Variants in AK9 observed in about 807,000 individuals in gnomAD.
AK9 encodes adenylate kinase domain containing 1.
Under a neutral mutation model 239.6 loss-of-function variants are expected in AK9, and 191 were observed. The observed-to-expected ratio is 0.80, with a 90% confidence interval of 0.71 to 0.90. The LOEUF (loss-of-function observed/expected upper bound fraction) is 0.90. Ranked by LOEUF, AK9 falls within the 40% of genes least tolerant of loss-of-function variation. AK9 has a pLI of 0.00. For synonymous variants in AK9, 689 were observed against 721.0 expected (o/e 0.96, Z 0.71); for missense variants, 1,995 against 2,214.7 (o/e 0.90, Z 1.99).
chr6:109,638,921 CAT>C (rs1797050244), intron 10 of AK9, among the ~76,000 whole-genome samples: 1 of 152,124 alleles, frequency 6.6e-6, no homozygotes, highest in Non-Finnish European at 1.5e-5. Flanking sequence ...CTGTCCTTGC[CAT>C]AGTTTGCTGA....
chr6:109,550,802 T>C (rs1431505779), intron 24 of AK9, among the ~76,000 whole-genome samples: 3 of 152,208 alleles, frequency 2.0e-5, no homozygotes, highest in African/African-American at 4.8e-5. Context: ...TTTTCATTTA[T>C]GATAAAGAAA....
At chr6:109,650,088 G>A (rs1162033329) in intron 8 of AK9, among the ~76,000 whole-genome samples, 1 of 152,134 alleles carries the variant, frequency 6.6e-6, no homozygotes, top group Non-Finnish European at 1.5e-5. Context: ...ATTAATTCAA[G>A]ATGCATTAAA....
In AK9 at chr6:109,515,966, C is replaced by A. The variant is rs369214077; in HGVS notation, c.3956G>T (p.Arg1319Leu). 8.4e-6 allele frequency: 13 copies of A among 1,551,508 alleles called. No individual in the cohort carries two copies. The highest frequency in any genetic ancestry group is 1.2e-5 in the South Asian group (1 of 84,054). Residue 1319 changes from arginine (R) to leucine (L), a missense_variant, in exon 31 of 41, where the codon CGT becomes CTT. Around this residue, in one of 5 missense-constraint regions of AK9, gnomAD observed 1,290 missense variants for 1,392.7 expected, o/e 0.93. Transcript: ENST00000424296. ...NMKLKPLVEN[R>L]ASIFEKCHPI... The stretch of plus-strand genomic sequence containing the variant: ...ATGACATTTCTCAAAAATGCTTGCA[C>A]GATTTTCCACCAGTGGTTTCAGTTT...
chr6:109,638,866 T>C (rs1264012834), intron 10 of AK9, among the ~76,000 whole-genome samples: 3 of 152,328 alleles, frequency 2.0e-5, no homozygotes, highest in East Asian at 3.9e-4. Context: ...ATGTTCTCAT[T>C]GTTCAATTCC....
At chr6:109,619,707 T>G (rs141971604) in intron 12 of AK9, among the ~76,000 whole-genome samples, 428 of 152,134 alleles carry the variant, frequency 2.8e-3, no homozygotes, top group African/African-American at 9.9e-3. Context: ...TTTGGGAGGC[T>G]GAGACAGGAG....
chr6:109,674,402 C>T, intron 2 of AK9, 141 bp from the exon 3 acceptor site: 1 of 553,842 alleles, frequency 1.8e-6, no homozygotes, highest in Non-Finnish European at 3.1e-6. Flanking sequence ...AAGAATAGAC[C>T]CTAGATACGT....
At chr6:109,623,649 G>A (rs747207142) in intron 12 of AK9, among the ~76,000 whole-genome samples, 1 of 152,068 alleles carries the variant, frequency 6.6e-6, no homozygotes, top group African/African-American at 2.4e-5. Context: ...GCTTATTGTT[G>A]TTTCAAGCTG....
intron 21 of AK9, among the ~76,000 whole-genome samples, chr6:109,565,580 G>A (rs1786370678): frequency 6.6e-6 from 1 of 152,158 alleles, no homozygotes; most frequent in Non-Finnish European, 1.5e-5. Flanking sequence ...GGCATGGAGA[G>A]ATTTAAGAGA....
chr6:109,535,292 G>A (rs1463313048), intron 27 of AK9, among the ~76,000 whole-genome samples: 5 of 152,198 alleles, frequency 3.3e-5, no homozygotes, highest in Admixed American at 6.5e-5. Context: ...TTTAATGATC[G>A]CCATTCTAAC....
chr6:109,674,365 A>G (rs1405685378), intron 2 of AK9, 104 bp from the exon 3 acceptor site: 3 of 736,296 alleles, frequency 4.1e-6, no homozygotes, highest in East Asian at 3.0e-5. Context: ...TATTACATCA[A>G]TGTTATAATT....
intron 8 of AK9, among the ~76,000 whole-genome samples, chr6:109,652,389 T>C (rs1215790050): frequency 6.6e-6 from 1 of 152,244 alleles, no homozygotes; most frequent in Admixed American, 6.5e-5. Flanking sequence ...AACTAGGTAT[T>C]GATGGGATGC....
intron 17 of AK9, among the ~76,000 whole-genome samples, chr6:109,586,733 A>T (rs11755641): frequency 0.35 from 52,489 of 151,774 alleles, 9,544 homozygotes; most frequent in South Asian, 0.44. Flanking sequence ...AACAAAACAA[A>T]CTTTGCAGGT....
At chr6:109,675,379 T>C (rs1019920073) in intron 2 of AK9, among the ~76,000 whole-genome samples, 4 of 152,194 alleles carry the variant, frequency 2.6e-5, no homozygotes, top group Non-Finnish European at 5.9e-5. Context: ...CTACCACTGA[T>C]GGGCATTTAG....
chr6:109,654,145 C>G (rs900463940), intron 8 of AK9, among the ~76,000 whole-genome samples: 1 of 152,052 alleles, frequency 6.6e-6, no homozygotes, highest in Non-Finnish European at 1.5e-5. Context: ...TATTAATGAA[C>G]ATTCTCCTTA....
intron 32 of AK9, among the ~76,000 whole-genome samples, chr6:109,513,316 T>C (rs1778941122): frequency 6.6e-6 from 1 of 152,192 alleles, no homozygotes; most frequent in Admixed American, 6.5e-5. Context: ...TTGTATCCTA[T>C]ATGCCTTTTT....
At chr6:109,585,406 T>TA (rs1186630031) in intron 18 of AK9, among the ~76,000 whole-genome samples, 169 bp from the exon 19 acceptor site, 2 of 152,154 alleles carry the variant, frequency 1.3e-5, no homozygotes, top group Non-Finnish European at 2.9e-5. Flanking sequence ...TAGACCATCT[T>TA]AAATTCTTTT....
At chr6:109,607,850 A>T (rs181785238) in intron 17 of AK9, among the ~76,000 whole-genome samples, 3 of 151,690 alleles carry the variant, frequency 2.0e-5, no homozygotes, top group Non-Finnish European at 4.4e-5. Flanking sequence ...AGTAAAAAGG[A>T]CCTATAATAG....
chr6:109,585,783 T>C, intron 18 of AK9, 133 bp downstream of exon 18: 1 of 823,332 alleles, frequency 1.2e-6, no homozygotes, highest in Non-Finnish European at 1.8e-6. Context: ...TTTGTGTACC[T>C]CTAGTTCCTG....
At chr6:109,512,453 C>A (rs1440410787) in intron 32 of AK9, among the ~76,000 whole-genome samples, 1 of 152,150 alleles carries the variant, frequency 6.6e-6, no homozygotes, top group Non-Finnish European at 1.5e-5. Context: ...TCTATGGACT[C>A]GCCTTGAATT....
Sources: allele counts gnomAD v4.1 joint callset (sites outside exome capture counted in the v4.1 genomes callset), GRCh38; gene constraint gnomAD v4.1.1; regional missense constraint gnomAD v4.1.1; transcripts MANE v1.5; gene names NCBI Gene and HGNC (gene_info 2026-07-23, HGNC 2026-07-21).